LIPG: variants seen among roughly 807,000 people sequenced by gnomAD.
The protein encoded by LIPG is endothelial lipase.
In LIPG, 34 loss-of-function variants were observed where a neutral mutation model predicts 51.8. The ratio of observed to expected loss-of-function variants is 0.66; its 90% CI spans 0.50 to 0.87. The LOEUF is 0.87. Among genes scored for constraint, LIPG ranks in the 40% least tolerant of loss-of-function variants. LIPG has a pLI of 0.00. For synonymous variants in LIPG, 246 were observed against 246.1 expected (o/e 1.00, Z 0.00); for missense variants, 580 against 652.7 (o/e 0.89, Z 1.21).
chr18:49,575,842 T>TC (rs985477499), intron 5 of LIPG, among the ~76,000 whole-genome samples: 3 of 140,636 alleles, frequency 2.1e-5, no homozygotes, highest in African/African-American at 8.1e-5. Flanking sequence ...TTTTTCTTTC[T>TC]TTTTTTTTTT....
intron 9 of LIPG, chr18:49,589,519 T>A (rs1413246505): frequency 6.6e-6 from 1 of 152,424 alleles, no homozygotes; most frequent in Non-Finnish European, 1.5e-5. Context: ...TGGAGTACAG[T>A]GGCATGATCA....
intron 9 of LIPG, among the ~76,000 whole-genome samples, chr18:49,587,106 TAAA>T (rs11354327): frequency 1.9e-4 from 25 of 128,486 alleles, no homozygotes; most frequent in Admixed American, 2.4e-4. Context: ...CCATCTCTAC[TAAA>T]AAAAAAAAAA....
intron 5 of LIPG, among the ~76,000 whole-genome samples, chr18:49,579,769 T>C (rs62101700): frequency 0.13 from 3,382 of 26,860 alleles, 56 homozygotes; most frequent in Middle Eastern, 0.28. Context: ...CTTTCCTTTC[T>C]TTTCTTTTCT....
At chr18:49,571,946 G>A (rs2084668513) in intron 4 of LIPG, among the ~76,000 whole-genome samples, 1 of 152,190 alleles carries the variant, frequency 6.6e-6, no homozygotes, top group African/African-American at 2.4e-5. Context: ...CTATAATCAG[G>A]TAAGCAAGCA....
Position 49,577,455 on chromosome 18 carries a change from C to CT in LIPG, c.793+1869dup, listed in dbSNP as rs1432510373. ...CACGGCAACCATCCGATTTCTCAATCTTTTCCCCACCTTTCCCGCCTTTCT... is the reference window on the plus strand; with the variant it reads ...CACGGCAACCATCCGATTTCTCAATCTTTTTCCCCACCTTTCCCGCCTTTCT... On this transcript the variant is annotated intron_variant, in intron 5 of 9. Transcript: ENST00000261292. Among the ~76,000 whole-genome samples, 755 of 145,640 alleles carry CT rather than the reference C, an allele frequency of 5.2e-3. 4 individuals carry two copies. Among genetic ancestry groups the CT allele is most frequent in the African/African-American group, 0.019 (719 of 38,042 alleles).
intron 9 of LIPG, chr18:49,590,270 GGGTGCTGCAGTGT>G (rs1238553987): frequency 9.1e-5 from 58 of 639,682 alleles, no homozygotes; most frequent in Non-Finnish European, 1.5e-4. Context: ...AGGGTCCAGA[GGGTGCTGCAGTGT>G]GGTGTTTCTC....
chr18:49,565,606 CT>C, intron 2 of LIPG, 108 bp downstream of exon 2: 3 of 1,281,956 alleles, frequency 2.3e-6, no homozygotes, highest in East Asian at 2.4e-5. Context: ...CTCTTCCCCC[CT>C]TTCCTTGTGG....
upstream of LIPG, chr18:49,561,807 G>A (rs1157669061): frequency 4.0e-6 from 5 of 1,255,858 alleles, no homozygotes; most frequent in Non-Finnish European, 5.0e-6. Context: ...GAGGGCAGTG[G>A]GAGAAAGCTG....
rs760967588 is a variant in LIPG at position 49,590,532 on chromosome 18, G to A, written c.*10G>A. On this transcript the variant is annotated 3_prime_UTR_variant, in exon 10 of 10. Coordinates refer to ENST00000261292, the MANE Select transcript of LIPG (RefSeq NM_006033.4). Reference sequence around the variant, plus strand: ...TGTGGAGCTTCCCTGAGGGTGCCCGGGCAAGTCTTGCCAGCAAGGCAGCAA... The same window carrying A: ...TGTGGAGCTTCCCTGAGGGTGCCCGAGCAAGTCTTGCCAGCAAGGCAGCAA... 6 of 1,597,572 alleles carry A rather than the reference G, an allele frequency of 3.8e-6. No individual in the cohort carries two copies. The highest frequency in any genetic ancestry group is 1.1e-5 in the South Asian group (1 of 88,470).
rs146964837 is a variant in LIPG at position 49,570,597 on chromosome 18, G to A, written c.571+1049G>A. ...TATAATCCCAGCACTTTGGGAGGCC[G>A]AGGTGGGTGGATCACGAGGTCAGGA... is the stretch of plus-strand genomic sequence containing the variant. On this transcript the variant is annotated intron_variant, in intron 4 of 9. Coordinates refer to ENST00000261292, the MANE Select transcript of LIPG (RefSeq NM_006033.4). Among the ~76,000 whole-genome samples, 207 of 152,298 alleles carry A rather than the reference G, an allele frequency of 1.4e-3. 1 individual carries two copies. The highest frequency in any genetic ancestry group is 4.7e-3 in the African/African-American group (196 of 41,552).
intron 5 of LIPG, among the ~76,000 whole-genome samples, chr18:49,579,259 T>G (rs2084788380): frequency 1.4e-5 from 2 of 143,270 alleles, no homozygotes; most frequent in Admixed American, 1.5e-4. Flanking sequence ...ACACTCTATT[T>G]TAATTTTTGG....
chr18:49,581,213 G>T (rs1482303192), intron 5 of LIPG, among the ~76,000 whole-genome samples: 1 of 152,142 alleles, frequency 6.6e-6, no homozygotes, highest in African/African-American at 2.4e-5. Flanking sequence ...TGAGCGGGGG[G>T]TCGTGATTGT....
chr18:49,580,292 G>A (rs1568533817), intron 5 of LIPG, among the ~76,000 whole-genome samples: 1 of 152,168 alleles, frequency 6.6e-6, no homozygotes. Context: ...GGACCTTTGG[G>A]TCATAATCTT....
In LIPG at chr18:49,578,003, G is replaced by T. The variant is rs1309340861; in HGVS notation, c.793+2413G>T. Among the ~76,000 whole-genome samples the T allele has an allele frequency of 1.9e-4, 27 of 142,176 alleles. No homozygotes were observed. In the East Asian group the frequency reaches 5.0e-3, roughly 26 times the overall value. The allele number at this position is 142,176 out of a possible 152,430, so 93.3% of individuals were successfully genotyped here. A position where few individuals can be genotyped will look rare whatever the true frequency, so the allele number is the denominator to read the frequency against. ...CCCCCACCTCCCTCCCGGACGGCACGGCTGGCCAGGCGGGGGGCTGACCCC... is the reference window on the plus strand; with the variant it reads ...CCCCCACCTCCCTCCCGGACGGCACTGCTGGCCAGGCGGGGGGCTGACCCC... On this transcript the variant is annotated intron_variant, in intron 5 of 9. Transcript: ENST00000261292.
intron 1 of LIPG, among the ~76,000 whole-genome samples, chr18:49,563,975 T>C (rs1423812828): frequency 1.3e-5 from 2 of 152,026 alleles, no homozygotes; most frequent in Non-Finnish European, 2.9e-5. Context: ...AGGTGGGGAG[T>C]TGTCGAACTC....
chr18:49,594,184 GAGT>G lies in LIPG; in HGVS notation c.*3663_*3665del. On this transcript the variant is annotated 3_prime_UTR_variant, in exon 10 of 10. Transcript: ENST00000261292. ...GAGTCTTGCTCTGTAGCCCAGGCTG[GAGT>G]GCAGGGGCATGATCTTGGCCCACTG... 1 of 152,114 alleles carries G rather than the reference GAGT, an allele frequency of 6.6e-6. No homozygotes were observed. Among genetic ancestry groups the G allele is most frequent in the Non-Finnish European group, 1.5e-5 (1 of 68,052 alleles). The allele number at this position is 152,114 out of a possible 1,614,324, so 9.4% of individuals were successfully genotyped here. A position where few individuals can be genotyped will look rare whatever the true frequency, so the allele number is the denominator to read the frequency against.
rs748036655 is a variant in LIPG, at chr18:49,596,718, T to C, written c.*6196T>C. The C allele has an allele frequency of 6.6e-6, 1 of 152,098 alleles. No homozygotes were observed. Among genetic ancestry groups the C allele is most frequent in the Non-Finnish European group, 1.5e-5 (1 of 68,050 alleles). The allele number at this position is 152,098 out of a possible 1,614,324, so 9.4% of individuals were successfully genotyped here. A position where few individuals can be genotyped will look rare whatever the true frequency, so the allele number is the denominator to read the frequency against. ...TACCCTTTTGTCAGCCGTTCCTCTG[T>C]TGCTGACCATTAGATCCACATTTCT... is the stretch of plus-strand genomic sequence containing the variant. On this transcript the variant is annotated 3_prime_UTR_variant, in exon 10 of 10. Transcript: ENST00000261292.
chr18:49,575,330 C>G (rs747226190), intron 4 of LIPG, 39 bp from the exon 5 acceptor site: 1 of 1,573,116 alleles, frequency 6.4e-7, no homozygotes, highest in Non-Finnish European at 8.7e-7. Context: ...CCAGGTGCAC[C>G]TGACACCACA....
Position 49,582,486 on chromosome 18 carries a change from A to C in LIPG, c.1157+4A>C. 6.2e-7 allele frequency: 1 copy of C among 1,614,218 alleles called. No homozygotes were observed. The highest frequency in any genetic ancestry group is 8.5e-7 in the Non-Finnish European group (1 of 1,180,038). On this transcript the variant is annotated splice_donor_region_variant and intron_variant, in intron 7 of 9. Coordinates refer to ENST00000261292, the MANE Select transcript of LIPG (RefSeq NM_006033.4). The stretch of plus-strand genomic sequence containing the variant: ...CCCAGACTCTGCCACTGGAAATGTA[A>C]GTCATCCGTTTCCCTTGCTGGGTTC...
Sources: gnomAD v4.1 joint callset for allele counts (sites outside exome capture counted in the v4.1 genomes callset) on GRCh38, gnomAD v4.1.1 for gene constraint, MANE v1.5 for transcripts, NCBI Gene and HGNC (gene_info 2026-07-23, HGNC 2026-07-21) for gene names.